The following CNOT1 variants were observed in gnomAD, a reference collection of about 807,000 sequenced individuals.
The protein encoded by CNOT1 is CCR4-NOT transcription complex subunit 1.
Under a neutral mutation model 273.8 loss-of-function variants are expected in CNOT1, and 15 were observed. The ratio of observed to expected loss-of-function variants is 0.05; its 90% CI spans 0.04 to 0.08. The LOEUF (loss-of-function observed/expected upper bound fraction) is 0.08, where lower values mean the gene tolerates loss of function less well. CNOT1 is among the 10% of genes least tolerant of loss of function. The pLI is 1.00. For synonymous variants in CNOT1, 1,022 were observed against 1,005.5 expected (o/e 1.02, Z -0.31); for missense variants, 1,644 against 2,912.2 (o/e 0.56, Z 10.02).
chr16:58,586,636 G>T lies in CNOT1; in HGVS notation c.546C>A (p.His182Gln). Residue 182 changes from histidine to glutamine, a missense_variant, in exon 7 of 49, where the codon CAC (histidine) becomes CAA (glutamine). Physicochemically the swap from His to Gln is conservative, Grantham distance 24. Around this residue, in one of 13 missense-constraint regions of CNOT1, gnomAD observed 706 missense variants for 1,021.2 expected, o/e 0.69. Transcript: ENST00000317147. Reference protein sequence around the residue: ...GFQDIAIEVLHLLLSHLLFGQ... With the variant: ...GFQDIAIEVLQLLLSHLLFGQ... ...CAAAGAGGAGATGGGAGAGGAGGAGGTGTAGGACCTCTATTGCTATATCTT... is the reference window on the plus strand; with the variant it reads ...CAAAGAGGAGATGGGAGAGGAGGAGTTGTAGGACCTCTATTGCTATATCTT... The T allele has an allele frequency of 6.2e-7, 1 of 1,613,082 alleles. No homozygotes were observed. Among genetic ancestry groups the T allele is most frequent in the Non-Finnish European group, 8.5e-7 (1 of 1,179,836 alleles).
chr16:58,521,635 A>G (rs1412482992), intron 47 of CNOT1, among the ~76,000 whole-genome samples: 1 of 152,204 alleles, frequency 6.6e-6, no homozygotes, highest in African/African-American at 2.4e-5. Context: ...ACACAAAGTT[A>G]GTACAAAAAG....
At chr16:58,568,920 G>A (rs1046950615) in intron 16 of CNOT1, among the ~76,000 whole-genome samples, 7 of 152,172 alleles carry the variant, frequency 4.6e-5, no homozygotes, top group Admixed American at 3.9e-4. Flanking sequence ...GTGCTCTGCT[G>A]AAGAAGGAAG....
At chr16:58,587,987 A>G in intron 3 of CNOT1, 109 bp from the exon 4 acceptor site, 1 of 1,095,614 alleles carries the variant, frequency 9.1e-7, no homozygotes, top group Non-Finnish European at 1.3e-6. Flanking sequence ...ATACTGTTAT[A>G]TATTATCAAA....
At chr16:58,600,795 T>C (rs781095877) in intron 1 of CNOT1, among the ~76,000 whole-genome samples, 1 of 152,166 alleles carries the variant, frequency 6.6e-6, no homozygotes, top group Non-Finnish European at 1.5e-5. Flanking sequence ...AACTATTCTG[T>C]ATAGAAAAGA....
intron 40 of CNOT1, 117 bp from the exon 41 acceptor site, chr16:58,532,512 C>T: frequency 6.9e-7 from 1 of 1,447,926 alleles, no homozygotes; most frequent in East Asian, 2.4e-5. Flanking sequence ...AGCATATATA[C>T]AATTTGAATA....
intron 17 of CNOT1, 47 bp downstream of exon 17, chr16:58,560,165 C>A: frequency 6.2e-7 from 1 of 1,602,690 alleles, no homozygotes; most frequent in South Asian, 1.1e-5. Context: ...TTATTCTATT[C>A]CAAATCTATG....
At chr16:58,528,844 T>A (rs1156929944) in intron 43 of CNOT1, among the ~76,000 whole-genome samples, 196 bp from the exon 44 acceptor site, 2 of 150,984 alleles carry the variant, frequency 1.3e-5, no homozygotes, top group African/African-American at 4.9e-5. Flanking sequence ...CATGAAAAAC[T>A]AGGCATCAAG....
In CNOT1 at chr16:58,537,004, A is replaced by G. The variant is rs772218633; in HGVS notation, c.5631T>C (p.Ser1877=). 1.7e-5 allele frequency: 27 copies of G among 1,614,020 alleles called. No individual in the cohort carries two copies. Among genetic ancestry groups the G allele is most frequent in the Non-Finnish European group, 1.5e-5 (18 of 1,180,002 alleles). The change falls in exon 39 of 49, where the codon TCT becomes TCC. Residue 1877 remains serine, a synonymous_variant. Coordinates refer to ENST00000317147, the MANE Select transcript of CNOT1 (RefSeq NM_016284.5). The part of the protein sequence containing the change: ...AAGRDSTKAF[S]AFVGQMHQQG... ...AAAGCTCTACCTGTCCAACAAATGC[A>G]GAGAAAGCTTTGGTACTGTCGCGGC...
At chr16:58,589,639 G>C (rs960337936) in intron 2 of CNOT1, among the ~76,000 whole-genome samples, 4 of 152,162 alleles carry the variant, frequency 2.6e-5, no homozygotes, top group African/African-American at 4.8e-5. Flanking sequence ...ACATGGCATT[G>C]ATCAAATGTG....
chr16:58,611,716 G>T (rs544377372), intron 1 of CNOT1, among the ~76,000 whole-genome samples: 1 of 151,594 alleles, frequency 6.6e-6, no homozygotes, highest in Non-Finnish European at 1.5e-5. Context: ...AGCTACTCAG[G>T]AGGCTGAGGC....
intron 1 of CNOT1, among the ~76,000 whole-genome samples, chr16:58,602,911 C>T (rs914808209): frequency 2.0e-5 from 3 of 152,038 alleles, no homozygotes; most frequent in Non-Finnish European, 4.4e-5. Flanking sequence ...TCCTTGTCTT[C>T]CCCCCACTTA....
At chr16:58,523,631 C>G (rs2039483284) in intron 46 of CNOT1, 129 bp from the exon 47 acceptor site, 1 of 712,112 alleles carries the variant, frequency 1.4e-6, no homozygotes, top group African/African-American at 1.8e-5. Context: ...AGCAGTGGTT[C>G]TTGGGACCCC....
intron 13 of CNOT1, among the ~76,000 whole-genome samples, chr16:58,577,731 T>C (rs141478727): frequency 2.0e-5 from 3 of 151,888 alleles, no homozygotes; most frequent in African/African-American, 7.2e-5. Flanking sequence ...CCCATCTACT[T>C]AGGATGGCTG....
At position 58,537,097 on chromosome 16, in the gene CNOT1, T is replaced by G. The variant is rs1183392777; in HGVS notation, c.5538A>C (p.Pro1846=). 1 of 1,614,064 alleles carries G rather than the reference T, an allele frequency of 6.2e-7. No homozygotes were observed. Among genetic ancestry groups the G allele is most frequent in the Non-Finnish European group, 8.5e-7 (1 of 1,180,038 alleles). The change falls in exon 39 of 49, where the codon CCA becomes CCC. Residue 1846 remains proline, a synonymous_variant. Transcript: ENST00000317147. The stretch of plus-strand genomic sequence containing the variant: ...GATACTCTGCCTTCTCCCTCAGGCC[T>G]GGAGGGTCATCATACTCTGAGGCTT... ...ISQASEYDDP[P]GLREKAEYLL...
intron 16 of CNOT1, among the ~76,000 whole-genome samples, chr16:58,562,409 C>T (rs760278139): frequency 7.3e-5 from 11 of 150,290 alleles, no homozygotes; most frequent in Non-Finnish European, 3.0e-5. Context: ...GAGGCTGAGG[C>T]GGGAGGAGTG....
intron 1 of CNOT1, among the ~76,000 whole-genome samples, chr16:58,612,529 A>T (rs939914972): frequency 5.3e-5 from 8 of 152,116 alleles, no homozygotes; most frequent in African/African-American, 1.9e-4. Context: ...ACCTGAGGTC[A>T]GGAGTTCAAG....
At chr16:58,546,862 C>CA (rs1286161879) in intron 27 of CNOT1, 113 bp from the exon 28 acceptor site, 12 of 1,322,496 alleles carry the variant, frequency 9.1e-6, no homozygotes, top group South Asian at 5.2e-5. Flanking sequence ...AAATAAAAAA[C>CA]AAAAAACAAG....
chr16:58,558,365 T>C, intron 18 of CNOT1, 108 bp downstream of exon 18: 2 of 1,533,242 alleles, frequency 1.3e-6, no homozygotes, highest in Non-Finnish European at 1.8e-6. Flanking sequence ...CACAATTTCA[T>C]TTAAGCAGCT....
At chr16:58,565,536 A>C (rs193294827) in intron 16 of CNOT1, among the ~76,000 whole-genome samples, 1 of 152,330 alleles carries the variant, frequency 6.6e-6, no homozygotes, top group East Asian at 1.9e-4. Flanking sequence ...CTATTCCCAC[A>C]ATGCTCTTCA....
Sources: gnomAD v4.1 joint callset for allele counts (sites outside exome capture counted in the v4.1 genomes callset) on GRCh38, gnomAD v4.1.1 for gene constraint, gnomAD v4.1.1 regional missense constraint, MANE v1.5 for transcripts, NCBI Gene and HGNC (gene_info 2026-07-23, HGNC 2026-07-21) for gene names.